ZMAT4: variants seen among roughly 807,000 people sequenced by gnomAD.
The protein encoded by ZMAT4 is zinc finger matrin-type protein 4.
ZMAT4 carries 17 observed loss-of-function variants against 28.7 expected under a neutral mutation model. That is an observed-to-expected ratio of 0.59 (90% CI 0.41 to 0.89). ZMAT4 has a LOEUF of 0.89. Ranked by LOEUF, ZMAT4 falls within the 40% of genes least tolerant of loss-of-function variation. ZMAT4 has a pLI of 0.00. For missense variants in ZMAT4, 240 were observed against 283.8 expected (o/e 0.85, Z 1.11); for synonymous variants, 117 against 109.2 (o/e 1.07, Z -0.44).
intron 3 of ZMAT4, among the ~76,000 whole-genome samples, chr8:40,758,107 C>T (rs2150553073): frequency 1.3e-5 from 2 of 152,260 alleles, no homozygotes; most frequent in East Asian, 3.9e-4. Context: ...CTTTTTTCCT[C>T]AGCTTGCAGG....
intron 2 of ZMAT4, among the ~76,000 whole-genome samples, chr8:40,815,380 A>T (rs547911829): frequency 6.6e-6 from 1 of 152,346 alleles, no homozygotes; most frequent in African/African-American, 2.4e-5. Flanking sequence ...GCTGGATGTG[A>T]CCATGAATTT....
chr8:40,697,332 C>T lies in ZMAT4; in HGVS notation c.262G>A (p.Val88Met), dbSNP rs1809934119. The change falls in exon 4 of 7, where the codon GTG (valine) becomes ATG (methionine). Residue 88 changes from valine (V) to methionine (M), a missense_variant. Transcript: ENST00000297737. ...CCTTGATAATGGGAATCGGCCACCA[C>T]CGCTGAAGTGAATGACATGTTGCAG... ...TLCNMSFTSAVVADSHYQGKI... is the reference protein window; with the variant it reads ...TLCNMSFTSAMVADSHYQGKI... 6.2e-7 allele frequency: 1 copy of T among 1,613,936 alleles called. No individual in the cohort carries two copies. The highest frequency in any genetic ancestry group is 2.2e-5 in the East Asian group (1 of 44,858).
At chr8:40,739,241 A>T (rs1230109961) in intron 3 of ZMAT4, among the ~76,000 whole-genome samples, 1 of 152,206 alleles carries the variant, frequency 6.6e-6, no homozygotes, top group African/African-American at 2.4e-5. Flanking sequence ...ACCCAAAAGG[A>T]GTCACGGCAA....
chr8:40,733,485 A>C (rs911322711), intron 3 of ZMAT4, among the ~76,000 whole-genome samples: 18 of 152,334 alleles, frequency 1.2e-4, no homozygotes, highest in African/African-American at 4.3e-4. Flanking sequence ...AATCTTGTGT[A>C]TTCTACAGAA....
At position 40,589,701 on chromosome 8, in the gene ZMAT4, CCTTCCTTCTTCCTT is replaced by C. The variant is rs377755153; in HGVS notation, c.578-8454_578-8441del. ...GAAACATCTTACACTTAGAGACCTT[CCTTCCTTCTTCCTT>C]CTTCCTTCTTCCTTTCCTTTCTTTC... On this transcript the variant is annotated intron_variant, in intron 5 of 6. Transcript: ENST00000297737. Among the ~76,000 whole-genome samples, 14 of 117,522 alleles carry C rather than the reference CCTTCCTTCTTCCTT, an allele frequency of 1.2e-4. No homozygotes were observed. In the East Asian group the frequency reaches 3.3e-3, roughly 28 times the overall value. 77.1% of individuals were successfully genotyped at this position (117,522 alleles called of 152,430 possible). A position where few individuals can be genotyped will look rare whatever the true frequency, so the allele number is the denominator to read the frequency against.
At chr8:40,754,958 A>T (rs1812614978) in intron 3 of ZMAT4, among the ~76,000 whole-genome samples, 1 of 152,174 alleles carries the variant, frequency 6.6e-6, no homozygotes, top group Non-Finnish European at 1.5e-5. Flanking sequence ...ATGAGCTATG[A>T]TTATGCTATT....
At chr8:40,690,744 A>T in intron 4 of ZMAT4, 2 of 233,576 alleles carry the variant, frequency 8.6e-6, no homozygotes, top group Middle Eastern at 2.1e-3. Context: ...CAGAGAACTT[A>T]AATAAGCAAT....
At chr8:40,633,397 A>G (rs1173738958) in intron 5 of ZMAT4, among the ~76,000 whole-genome samples, 1 of 152,224 alleles carries the variant, frequency 6.6e-6, no homozygotes, top group Non-Finnish European at 1.5e-5. Flanking sequence ...ATGCGATGTG[A>G]TGGCAGAGAG....
intron 5 of ZMAT4, among the ~76,000 whole-genome samples, chr8:40,632,553 T>A (rs1047097939): frequency 2.0e-5 from 3 of 151,982 alleles, no homozygotes; most frequent in Non-Finnish European, 4.4e-5. Flanking sequence ...AAGATTAACG[T>A]GTTTATGAAA....
intron 2 of ZMAT4, among the ~76,000 whole-genome samples, chr8:40,811,029 T>C (rs779353624): frequency 6.6e-5 from 10 of 152,146 alleles, no homozygotes; most frequent in East Asian, 1.9e-4. Flanking sequence ...AAGCCAATGA[T>C]TGGCAGATAT....
At chr8:40,699,709 T>A (rs1200734437) in intron 3 of ZMAT4, among the ~76,000 whole-genome samples, 2 of 152,316 alleles carry the variant, frequency 1.3e-5, no homozygotes, top group South Asian at 4.1e-4. Flanking sequence ...AAGTGAGTGT[T>A]TGAATTATAC....
At chr8:40,596,456 C>CA (rs1805107516) in intron 5 of ZMAT4, among the ~76,000 whole-genome samples, 1 of 152,060 alleles carries the variant, frequency 6.6e-6, no homozygotes, top group Non-Finnish European at 1.5e-5. Flanking sequence ...TATTCTTATT[C>CA]TATAAGATTT....
intron 5 of ZMAT4, among the ~76,000 whole-genome samples, chr8:40,667,308 A>T (rs1028480385): frequency 6.6e-6 from 1 of 152,012 alleles, no homozygotes; most frequent in Non-Finnish European, 1.5e-5. Flanking sequence ...GGCGCCCGCC[A>T]CCACGCCCGG....
At chr8:40,568,690 T>C (rs1421450320) in intron 6 of ZMAT4, among the ~76,000 whole-genome samples, 1 of 152,172 alleles carries the variant, frequency 6.6e-6, no homozygotes, top group Non-Finnish European at 1.5e-5. Flanking sequence ...TTATAACTAT[T>C]ACATTTCACA....
intron 6 of ZMAT4, among the ~76,000 whole-genome samples, chr8:40,579,643 C>A (rs546933605): frequency 7.2e-5 from 11 of 152,312 alleles, no homozygotes; most frequent in African/African-American, 2.6e-4. Context: ...CTGTGATGTA[C>A]ATCTTTGCAA....
chr8:40,553,206 C>A (rs907111829), intron 6 of ZMAT4, among the ~76,000 whole-genome samples: 4 of 152,138 alleles, frequency 2.6e-5, no homozygotes, highest in African/African-American at 9.7e-5. Flanking sequence ...GAGTGCAACA[C>A]CTTGGAAGCA....
chr8:40,670,370 T>G (rs1808615294), intron 5 of ZMAT4, among the ~76,000 whole-genome samples: 1 of 152,232 alleles, frequency 6.6e-6, no homozygotes, highest in Non-Finnish European at 1.5e-5. Context: ...TACTTCATAC[T>G]GTACACAAAA....
In ZMAT4 at chr8:40,654,092, G is replaced by A. The variant is rs149412830; in HGVS notation, c.577+20612C>T. Among the ~76,000 whole-genome samples, 12 of 152,284 alleles carry A rather than the reference G, an allele frequency of 7.9e-5. No individual in the cohort carries two copies. The East Asian group carries it at 1.9e-3, about 24-fold the overall frequency. Reference sequence around the variant, plus strand: ...AGCAGATTTTTGTCACATTGAGCCTGCCTGTTTTGCATAACCTGTGAAACT... The same window carrying A: ...AGCAGATTTTTGTCACATTGAGCCTACCTGTTTTGCATAACCTGTGAAACT... On this transcript the variant is annotated intron_variant, in intron 5 of 6. Transcript: ENST00000297737.
chr8:40,794,775 GT>G (rs1424671151), intron 2 of ZMAT4, among the ~76,000 whole-genome samples: 1 of 151,904 alleles, frequency 6.6e-6, no homozygotes, highest in Non-Finnish European at 1.5e-5. Context: ...TCCTCTCTGG[GT>G]CTTTGTCTCA....
Sources: gnomAD v4.1 joint callset for allele counts (sites outside exome capture counted in the v4.1 genomes callset) on GRCh38, gnomAD v4.1.1 for gene constraint, MANE v1.5 for transcripts, NCBI Gene and HGNC (gene_info 2026-07-23, HGNC 2026-07-21) for gene names.